Variants in VPS36 observed in about 807,000 individuals in gnomAD.
VPS36 encodes vacuolar protein sorting 36 homolog.
A neutral mutation model predicts 63.5 loss-of-function variants in VPS36; 31 were observed. That is an observed-to-expected ratio of 0.49 (90% CI 0.37 to 0.66). The LOEUF (loss-of-function observed/expected upper bound fraction) is 0.66. Among genes scored for constraint, VPS36 ranks in the 30% least tolerant of loss-of-function variants. The pLI is 0.00. For synonymous variants in VPS36, 138 were observed against 157.2 expected (o/e 0.88, Z 0.91); for missense variants, 338 against 463.7 (o/e 0.73, Z 2.49).
chr13:52,436,054 C>T, intron 4 of VPS36: 1 of 388,250 alleles, frequency 2.6e-6, no homozygotes, highest in Non-Finnish European at 4.6e-6. Context: ...AGCCTCTGTT[C>T]CTTCCTTGGG....
At chr13:52,444,533 T>A (rs1184754173) in intron 1 of VPS36, among the ~76,000 whole-genome samples, 1 of 147,694 alleles carries the variant, frequency 6.8e-6, no homozygotes, top group Non-Finnish European at 1.5e-5. Context: ...TATTTATATA[T>A]AAATACATAT....
At chr13:52,443,751 C>T (rs1361350673) in intron 1 of VPS36, among the ~76,000 whole-genome samples, 1 of 152,152 alleles carries the variant, frequency 6.6e-6, no homozygotes, top group Non-Finnish European at 1.5e-5. Context: ...CAAAGAAATG[C>T]CAGCTGGGTC....
Position 52,418,060 on chromosome 13 carries a change from A to G in VPS36, c.841-4T>C, listed in dbSNP as rs1225705548. 6.2e-7 allele frequency: 1 copy of G among 1,610,808 alleles called. No homozygotes were observed. Among genetic ancestry groups the G allele is most frequent in the East Asian group, 2.2e-5 (1 of 44,830 alleles). ...CTAAATCTTCTGGTGAGAGCAACTA[A>G]TAGGGAAAAAAAATCCAGTAATGCT... is the stretch of plus-strand genomic sequence containing the variant. On this transcript the variant is annotated splice_polypyrimidine_tract_variant and splice_region_variant and intron_variant, in intron 10 of 13. Coordinates refer to ENST00000378060, the MANE Select transcript of VPS36 (RefSeq NM_016075.4).
Position 52,434,650 on chromosome 13 carries a change from G to A in VPS36, c.441+143C>T, listed in dbSNP as rs530100163. ...TGGGATTACAGGCGTGAGCCACCGC[G>A]CCCTACCGAAAATAAATTCTTTATA... On this transcript the variant is annotated intron_variant, in intron 5 of 13. Coordinates refer to ENST00000378060, the MANE Select transcript of VPS36 (RefSeq NM_016075.4). 95 of 816,164 alleles carry A rather than the reference G, an allele frequency of 1.2e-4. No individual in the cohort carries two copies. The Middle Eastern group carries it at 2.3e-3, about 20-fold the overall frequency. 50.6% of individuals were successfully genotyped at this position (816,164 alleles called of 1,614,324 possible). A position where few individuals can be genotyped will look rare whatever the true frequency, so the allele number is the denominator to read the frequency against.
At chr13:52,434,499 C>T (rs960780527) in intron 5 of VPS36, among the ~76,000 whole-genome samples, 11 of 152,154 alleles carry the variant, frequency 7.2e-5, no homozygotes, top group Non-Finnish European at 7.4e-5. Context: ...GCTGGGATTA[C>T]AGGCGTGCAC....
chr13:52,434,384 A>C (rs1415674236), intron 5 of VPS36, among the ~76,000 whole-genome samples: 1 of 151,922 alleles, frequency 6.6e-6, no homozygotes, highest in East Asian at 1.9e-4. Flanking sequence ...TTTGAGACGG[A>C]GTCTTGCTCT....
chr13:52,413,239 A>T lies in VPS36; in HGVS notation c.*2591T>A, dbSNP rs1256506347. 1 of 152,278 alleles carries T rather than the reference A, an allele frequency of 6.6e-6. No individual in the cohort carries two copies. The highest frequency in any genetic ancestry group is 1.5e-5 in the Non-Finnish European group (1 of 68,048). The allele number at this position is 152,278 out of a possible 1,614,324, so 9.4% of individuals were successfully genotyped here. A position where few individuals can be genotyped will look rare whatever the true frequency, so the allele number is the denominator to read the frequency against. ...CTCTCAGATTAATCTGGTAACAAGG[A>T]ACAAGAAAGAGTACATTCATCTGAA... On this transcript the variant is annotated 3_prime_UTR_variant, in exon 14 of 14. Transcript: ENST00000378060.
chr13:52,450,476 G>T, intron 1 of VPS36, 23 bp downstream of exon 1: 1 of 1,581,698 alleles, frequency 6.3e-7, no homozygotes, highest in Non-Finnish European at 8.6e-7. Context: ...CCAGCCCGTT[G>T]GGAAGGTTGG....
At chr13:52,449,992 C>T (rs779897632) in intron 1 of VPS36, 103 of 985,818 alleles carry the variant, frequency 1.0e-4, no homozygotes, top group Non-Finnish European at 1.2e-4. Flanking sequence ...CTAATCCCTC[C>T]GACTGCATAA....
At chr13:52,420,443 C>T (rs1401853400) in intron 10 of VPS36, among the ~76,000 whole-genome samples, 1 of 151,846 alleles carries the variant, frequency 6.6e-6, no homozygotes, top group Non-Finnish European at 1.5e-5. Context: ...AGCGATTCTC[C>T]TGCCTCAGCC....
chr13:52,431,619 TG>T (rs1361726702), intron 6 of VPS36, among the ~76,000 whole-genome samples: 1 of 151,602 alleles, frequency 6.6e-6, no homozygotes, highest in Non-Finnish European at 1.5e-5. Flanking sequence ...AAAAATTAGC[TG>T]GGCACAGTGG....
intron 6 of VPS36, among the ~76,000 whole-genome samples, chr13:52,427,793 G>A (rs1958118194): frequency 1.3e-5 from 2 of 151,952 alleles, no homozygotes; most frequent in Admixed American, 6.6e-5. Context: ...TAAGCAAAAG[G>A]TGATATAAAC....
chr13:52,450,150 T>A (rs1958386450), intron 1 of VPS36: 1 of 1,002,788 alleles, frequency 1.0e-6, no homozygotes, highest in African/African-American at 1.7e-5. Context: ...GACTGCCGGA[T>A]CGCCGCCCGG....
intron 1 of VPS36, among the ~76,000 whole-genome samples, chr13:52,447,596 C>T (rs1476720657): frequency 9.2e-5 from 14 of 152,092 alleles, no homozygotes; most frequent in Admixed American, 9.2e-4. Flanking sequence ...GGCACTTGGG[C>T]GTGGGAAGAG....
intron 1 of VPS36, 132 bp from the exon 2 acceptor site, chr13:52,442,577 C>T (rs1163392692): frequency 4.1e-6 from 3 of 729,724 alleles, no homozygotes; most frequent in Non-Finnish European, 6.5e-6. Flanking sequence ...AGGCTTATCA[C>T]AAATTAAAGA....
intron 6 of VPS36, among the ~76,000 whole-genome samples, chr13:52,427,863 C>T (rs188594577): frequency 6.6e-6 from 1 of 152,202 alleles, no homozygotes; most frequent in African/African-American, 2.4e-5. Flanking sequence ...CTGTCACTGT[C>T]ACTGGTTTTT....
At chr13:52,438,595 T>G (rs780786993) in intron 3 of VPS36, among the ~76,000 whole-genome samples, 1 of 152,238 alleles carries the variant, frequency 6.6e-6, no homozygotes, top group Non-Finnish European at 1.5e-5. Context: ...ACAGGAACAT[T>G]TGAACTTACG....
chr13:52,429,024 C>T (rs1958130726), intron 6 of VPS36, among the ~76,000 whole-genome samples: 1 of 151,788 alleles, frequency 6.6e-6, no homozygotes. Flanking sequence ...AGTCAACTAT[C>T]AAAAAATGAG....
At chr13:52,422,195 A>G (rs1479426281) in intron 10 of VPS36, among the ~76,000 whole-genome samples, 1 of 152,136 alleles carries the variant, frequency 6.6e-6, no homozygotes, top group Non-Finnish European at 1.5e-5. Flanking sequence ...TAGCTCGCAC[A>G]TGAGTGAGAA....
Sources: gnomAD v4.1 joint callset for allele counts (sites outside exome capture counted in the v4.1 genomes callset) on GRCh38, gnomAD v4.1.1 for gene constraint, MANE v1.5 for transcripts, NCBI Gene and HGNC (gene_info 2026-07-23, HGNC 2026-07-21) for gene names.